The following MYT1L variants were observed in gnomAD, a reference collection of about 807,000 sequenced individuals.
The protein encoded by MYT1L is myelin transcription factor 1-like protein.
A neutral mutation model predicts 126.7 loss-of-function variants in MYT1L; 12 were observed. The observed-to-expected ratio is 0.09, with a 90% CI of 0.06 to 0.15. The LOEUF (loss-of-function observed/expected upper bound fraction) is 0.15, where lower values mean the gene tolerates loss of function less well. Ranked by LOEUF, MYT1L falls within the 10% of genes least tolerant of loss-of-function variation. The probability of loss-of-function intolerance (pLI) is 1.00; values close to 1 mark genes in which losing one functional copy is unlikely to be tolerated. For synonymous variants in MYT1L, 541 were observed against 604.2 expected (o/e 0.90, Z 1.53); for missense variants, 979 against 1,585.2 (o/e 0.62, Z 6.49).
chr2:1,939,488 G>C (rs189577943), intron 9 of MYT1L, among the ~76,000 whole-genome samples: 10 of 152,300 alleles, frequency 6.6e-5, no homozygotes, highest in Admixed American at 3.9e-4. Flanking sequence ...CCGTACTTAC[G>C]CTGCACATCT....
rs951339236 is a variant in MYT1L at position 1,806,605 on chromosome 2, C to T, written c.3172+2471G>A. On this transcript the variant is annotated intron_variant, in intron 22 of 24. Coordinates refer to ENST00000647738, the MANE Select transcript of MYT1L (RefSeq NM_001303052.2). This position sits in a 1 kb window ranked among gnomAD's most constrained non-coding sequence, Gnocchi z 4.9. The stretch of plus-strand genomic sequence containing the variant: ...TTGTGAATTAACTCCTTGTGTGCAG[C>T]AGTAATAGGAATGTCTAGTGCCCTC... 6.6e-6 allele frequency among the ~76,000 whole-genome samples: 1 copy of T among 152,152 alleles called. No individual in the cohort carries two copies. Among genetic ancestry groups the T allele is most frequent in the East Asian group, 1.9e-4 (1 of 5,174 alleles).
Position 1,929,563 on chromosome 2 carries a change from T to G in MYT1L, c.506-6300A>C, listed in dbSNP as rs1056160757. Reference sequence around the variant, plus strand: ...TCAGCAGTGCTTCTGTGTGTCTTATTTCCAGTATCATAGGAAATTTTCAGA... The same window carrying G: ...TCAGCAGTGCTTCTGTGTGTCTTATGTCCAGTATCATAGGAAATTTTCAGA... On this transcript the variant is annotated intron_variant, in intron 9 of 24. Transcript: ENST00000647738. This position sits in a 1 kb window ranked among gnomAD's most constrained non-coding sequence, Gnocchi z 4.7. 5.9e-5 allele frequency among the ~76,000 whole-genome samples: 9 copies of G among 152,188 alleles called. No individual in the cohort carries two copies. The highest frequency in any genetic ancestry group is 2.2e-4 in the African/African-American group (9 of 41,450).
chr2:2,176,104 G>A (rs1214803127), intron 2 of MYT1L, among the ~76,000 whole-genome samples: 1 of 152,200 alleles, frequency 6.6e-6, no homozygotes, highest in East Asian at 1.9e-4. Flanking sequence ...TCAGCTTCTA[G>A]TTGGAGATGA....
intron 8 of MYT1L, among the ~76,000 whole-genome samples, chr2:1,966,580 CACAA>C (rs930806860): frequency 9.2e-5 from 14 of 152,224 alleles, no homozygotes; most frequent in African/African-American, 3.4e-4. Flanking sequence ...AACGAAAAGA[CACAA>C]ACATTGTCTG....
intron 8 of MYT1L, among the ~76,000 whole-genome samples, chr2:1,952,893 TCC>T (rs2057984310): frequency 2.9e-5 from 2 of 69,318 alleles, no homozygotes; most frequent in African/African-American, 1.5e-4. Flanking sequence ...TTCCCTTCCC[TCC>T]TTCTTTCCCT....
chr2:1,965,154 C>CAAA (rs1182144339), intron 8 of MYT1L, among the ~76,000 whole-genome samples: 27 of 151,926 alleles, frequency 1.8e-4, no homozygotes, highest in African/African-American at 5.3e-4. Context: ...CTGTGACTTG[C>CAAA]AGGGACCAGG....
At chr2:2,153,741 G>A (rs533921494) in intron 3 of MYT1L, among the ~76,000 whole-genome samples, 172 of 152,224 alleles carry the variant, frequency 1.1e-3, no homozygotes, top group South Asian at 5.8e-3. Flanking sequence ...ACTGGAGGCC[G>A]GCCTGAATAG....
intron 4 of MYT1L, among the ~76,000 whole-genome samples, chr2:2,017,865 C>A (rs1443255628): frequency 2.0e-5 from 3 of 152,108 alleles, no homozygotes; most frequent in African/African-American, 7.2e-5. Flanking sequence ...TTATATTTTT[C>A]AAAATTTTGG....
intron 3 of MYT1L, among the ~76,000 whole-genome samples, chr2:2,158,877 G>T (rs2087253424): frequency 6.6e-6 from 1 of 150,854 alleles, no homozygotes; most frequent in South Asian, 2.1e-4. Flanking sequence ...TGATGGGGTG[G>T]GGTGAATGCT....
intron 3 of MYT1L, among the ~76,000 whole-genome samples, chr2:2,101,836 T>C (rs1259267162): frequency 6.6e-6 from 1 of 152,248 alleles, no homozygotes; most frequent in Non-Finnish European, 1.5e-5. Flanking sequence ...TAAAATGTGC[T>C]TGAAATAGCA....
At chr2:1,918,092 G>A (rs763694942) in intron 10 of MYT1L, among the ~76,000 whole-genome samples, 1 of 152,056 alleles carries the variant, frequency 6.6e-6, no homozygotes, top group Non-Finnish European at 1.5e-5. Context: ...AAATTAAGAA[G>A]TAATGGGTTT....
At chr2:2,117,504 A>G (rs528447966) in intron 3 of MYT1L, among the ~76,000 whole-genome samples, 1 of 152,164 alleles carries the variant, frequency 6.6e-6, no homozygotes, top group African/African-American at 2.4e-5. Context: ...TGTCACTCCC[A>G]AGGAAGCCTG....
At chr2:2,050,031 G>A (rs1256496524) in intron 4 of MYT1L, among the ~76,000 whole-genome samples, 1 of 151,976 alleles carries the variant, frequency 6.6e-6, no homozygotes, top group Non-Finnish European at 1.5e-5. Flanking sequence ...AATGAGACAT[G>A]GTGAGTGGCA....
At chr2:2,313,948 G>C (rs577145880) in intron 1 of MYT1L, among the ~76,000 whole-genome samples, 1 of 152,050 alleles carries the variant, frequency 6.6e-6, no homozygotes, top group African/African-American at 2.4e-5. Context: ...TCTCTGTGAA[G>C]AAGAAAGAAA....
intron 4 of MYT1L, among the ~76,000 whole-genome samples, chr2:2,020,287 C>G (rs916002578): frequency 6.6e-6 from 1 of 152,158 alleles, no homozygotes; most frequent in Admixed American, 6.5e-5. Context: ...ACACTCAATA[C>G]TGTAATAAAA....
At chr2:2,283,128 G>GA (rs981175603) in intron 2 of MYT1L, among the ~76,000 whole-genome samples, 43 of 152,176 alleles carry the variant, frequency 2.8e-4, no homozygotes, top group African/African-American at 1.0e-3. Flanking sequence ...ATGCATAAGG[G>GA]AAAAAGGAGT....
chr2:1,990,697 C>T (rs12613177), intron 5 of MYT1L, among the ~76,000 whole-genome samples: 69,580 of 151,992 alleles, frequency 0.46, 18,665 homozygotes, highest in African/African-American at 0.75. Context: ...AAGAAGGGAG[C>T]GGCTTGGAGA....
intron 1 of MYT1L, among the ~76,000 whole-genome samples, chr2:2,305,606 C>A (rs968434809): frequency 5.3e-5 from 8 of 152,086 alleles, no homozygotes; most frequent in Non-Finnish European, 1.5e-5. Context: ...AAAGAACTAC[C>A]TGAGACTGGG....
intron 1 of MYT1L, among the ~76,000 whole-genome samples, chr2:2,289,653 T>A (rs1246495324): frequency 2.0e-5 from 3 of 152,216 alleles, no homozygotes; most frequent in Non-Finnish European, 4.4e-5. Flanking sequence ...AAACAAATGT[T>A]AACTCCCCCT....
Sources: gnomAD v4.1 joint callset for allele counts (sites outside exome capture counted in the v4.1 genomes callset) on GRCh38, gnomAD v4.1.1 for gene constraint, Gnocchi (gnomAD v3.1) non-coding constraint, MANE v1.5 for transcripts, NCBI Gene and HGNC (gene_info 2026-07-23, HGNC 2026-07-21) for gene names.